The following DRICH1 variants were observed in gnomAD, a reference collection of about 807,000 sequenced individuals.
DRICH1 encodes the protein aspartate-rich protein 1.
A neutral mutation model predicts 39.5 loss-of-function variants in DRICH1; 38 were observed. The ratio of observed to expected loss-of-function variants is 0.96; its 90% confidence interval spans 0.74 to 1.26. The LOEUF is 1.26. Among genes scored for constraint, DRICH1 ranks in the 50% most tolerant of loss-of-function variants. The pLI is 0.00. For missense variants in DRICH1, 279 were observed against 270.4 expected, an observed-to-expected ratio of 1.03 and a Z score of -0.22; for synonymous variants, 84 against 99.5, an observed-to-expected ratio of 0.84 and a Z score of 0.93.
chr22:23,593,908 A>T, the DRICH1 span, among the ~76,000 whole-genome samples: 1 of 150,640 alleles, frequency 6.6e-6, no homozygotes, highest in East Asian at 2.0e-4. Flanking sequence ...AACCCGGGAG[A>T]CGGAGGTTGC....
At chr22:23,588,778 A>T in the DRICH1 span, among the ~76,000 whole-genome samples, 3 of 152,102 alleles carry the variant, frequency 2.0e-5, no homozygotes, top group Non-Finnish European at 4.4e-5. Flanking sequence ...CCACCCGGGT[A>T]TCTCACAATT....
At chr22:23,589,481 CAT>C in the DRICH1 span, among the ~76,000 whole-genome samples, 16,859 of 127,224 alleles carry the variant, frequency 0.13, 1,164 homozygotes, top group East Asian at 0.4. Context: ...TACATATGTA[CAT>C]ATATATATAT....
chr22:23,605,070 A>G (rs1172808205), downstream of DRICH1, among the ~76,000 whole-genome samples: 1 of 152,122 alleles, frequency 6.6e-6, no homozygotes, highest in African/African-American at 2.4e-5. Flanking sequence ...CTCTATCTCT[A>G]TTTGTACAAT....
chr22:23,601,024 G>A, the DRICH1 span, among the ~76,000 whole-genome samples: 1 of 152,020 alleles, frequency 6.6e-6, no homozygotes, highest in Non-Finnish European at 1.5e-5. Context: ...TCTACTCCTA[G>A]GTTTTTATCC....
At chr22:23,628,001 A>G (rs180824595) in intron 1 of DRICH1, among the ~76,000 whole-genome samples, 1 of 152,324 alleles carries the variant, frequency 6.6e-6, no homozygotes, top group East Asian at 1.9e-4. Flanking sequence ...CTGGCAGGAA[A>G]CACCCATAGC....
chr22:23,625,844 T>C, intron 2 of DRICH1, 137 bp downstream of exon 2: 1 of 697,498 alleles, frequency 1.4e-6, no homozygotes, highest in African/African-American at 1.8e-5. Context: ...ACCCAGATCT[T>C]GCAAGACCAT....
chr22:23,612,859 G>A (rs577918445), intron 11 of DRICH1, among the ~76,000 whole-genome samples: 3 of 152,276 alleles, frequency 2.0e-5, no homozygotes, highest in East Asian at 1.9e-4. Flanking sequence ...GGTGATTCTC[G>A]ATTTCCCCTT....
At chr22:23,605,186 G>T (rs192582138), downstream of DRICH1, among the ~76,000 whole-genome samples, 166 of 152,292 alleles carry the variant, frequency 1.1e-3, no homozygotes, top group Middle Eastern at 3.4e-3. Flanking sequence ...ACAGGCCATT[G>T]TGACCCAGAA....
intron 11 of DRICH1, among the ~76,000 whole-genome samples, chr22:23,609,243 G>A (rs973415676): frequency 2.0e-5 from 3 of 152,230 alleles, no homozygotes; most frequent in African/African-American, 7.2e-5. Flanking sequence ...GCTCTACACT[G>A]ACTGTTTATC....
chr22:23,604,098 A>T (rs966319528), downstream of DRICH1, among the ~76,000 whole-genome samples: 3 of 151,930 alleles, frequency 2.0e-5, no homozygotes, highest in East Asian at 5.8e-4. Flanking sequence ...GGGTGTCTCT[A>T]GTTCTGGATT....
upstream of DRICH1, among the ~76,000 whole-genome samples, chr22:23,632,629 C>G (rs533025784): frequency 6.6e-6 from 1 of 151,312 alleles, no homozygotes; most frequent in Non-Finnish European, 1.5e-5. Flanking sequence ...CTGGTATGGC[C>G]GGGAGTGGTG....
chr22:23,593,984 A>AAAAAAAAGAAAG, the DRICH1 span, among the ~76,000 whole-genome samples: 2 of 151,770 alleles, frequency 1.3e-5, no homozygotes, highest in African/African-American at 2.4e-5. Flanking sequence ...TCTCAAAAAA[A>AAAAAAAAGAAAG]AAAAAAGAAA....
At chr22:23,582,313 T>C in the DRICH1 span, among the ~76,000 whole-genome samples, 1,934 of 151,532 alleles carry the variant, frequency 0.013, 53 homozygotes, top group African/African-American at 0.044. Context: ...TCTCACTCTG[T>C]TGCCCAGGCT....
the DRICH1 span, among the ~76,000 whole-genome samples, chr22:23,586,480 C>T: frequency 1.3e-5 from 2 of 152,142 alleles, no homozygotes; most frequent in African/African-American, 4.8e-5. Context: ...CAGTGTGAGA[C>T]CCTGTTTCAA....
At chr22:23,614,011 A>G (rs1189523712) in intron 9 of DRICH1, 124 bp downstream of exon 9, 10 of 696,402 alleles carry the variant, frequency 1.4e-5, no homozygotes, top group Non-Finnish European at 1.5e-5. Flanking sequence ...TTCCAGCCCC[A>G]CAAAGAGAAT....
chr22:23,619,171 CAA>C (rs5844565), intron 6 of DRICH1, among the ~76,000 whole-genome samples, 191 bp downstream of exon 6: 212 of 84,912 alleles, frequency 2.5e-3, no homozygotes, highest in African/African-American at 9.4e-3. Context: ...GACTCCGTCT[CAA>C]AAAAAAAAAA....
chr22:23,582,942 T>C, the DRICH1 span, among the ~76,000 whole-genome samples: 2 of 152,158 alleles, frequency 1.3e-5, no homozygotes, highest in Non-Finnish European at 2.9e-5. Context: ...AATAAATGAA[T>C]CCTTGATGAT....
chr22:23,603,513 ACTC>A (rs145362399), downstream of DRICH1, among the ~76,000 whole-genome samples: 1,397 of 151,052 alleles, frequency 9.2e-3, 18 homozygotes, highest in South Asian at 0.048. Flanking sequence ...CCCTCCAGAG[ACTC>A]CTCCTGGATC....
At chr22:23,629,179 C>G (rs1449265717) in intron 1 of DRICH1, among the ~76,000 whole-genome samples, 1 of 152,166 alleles carries the variant, frequency 6.6e-6, no homozygotes, top group Non-Finnish European at 1.5e-5. Flanking sequence ...GCTGGGATTA[C>G]AGGCACCCAC....
Sources: allele counts gnomAD v4.1 joint callset (sites outside exome capture counted in the v4.1 genomes callset), GRCh38; gene constraint gnomAD v4.1.1; transcripts MANE v1.5; gene names NCBI Gene and HGNC (gene_info 2026-07-23, HGNC 2026-07-21).